CCDC178: variants seen among roughly 807,000 people sequenced by gnomAD.
CCDC178 encodes the protein coiled-coil domain containing 178, also known as coiled-coil domain-containing protein 178.
A neutral mutation model predicts 117.4 loss-of-function variants in CCDC178; 126 were observed. The observed-to-expected ratio is 1.07, with a 90% CI of 0.93 to 1.24. The LOEUF is 1.24. CCDC178 is among the 50% of genes most tolerant of loss of function. CCDC178 has a pLI of 0.00. For synonymous variants in CCDC178, 283 were observed against 313.4 expected, an observed-to-expected ratio of 0.90 and a Z score of 1.02; for missense variants, 1,030 against 986.9, an observed-to-expected ratio of 1.04 and a Z score of -0.59.
chr18:33,293,211 G>A lies in CCDC178; in HGVS notation c.1124C>T (p.Ala375Val), dbSNP rs2062059241. ...TTTTGATGACTTTGTTTCCCTTATT[G>A]CTTCAGTCACTTCCTCTTCCTTCTC... ...IEEKEEEVTE[A>V]IRETKSSKNE... The change falls in exon 12 of 23, where the codon GCA (alanine) becomes GTA (valine). Residue 375 changes from alanine (A) to valine (V), a missense_variant. Transcript: ENST00000383096. 1 of 1,596,298 alleles carries A rather than the reference G, an allele frequency of 6.3e-7. No homozygotes were observed. Among genetic ancestry groups the A allele is most frequent in the Admixed American group, 1.7e-5 (1 of 59,344 alleles).
At chr18:32,978,848 C>T (rs2055082334) in intron 21 of CCDC178, among the ~76,000 whole-genome samples, 2 of 152,038 alleles carry the variant, frequency 1.3e-5, no homozygotes, top group Admixed American at 6.6e-5. Flanking sequence ...ACCAGCCTGA[C>T]TAATATGGTG....
At chr18:33,402,654 G>C (rs2063724526) in intron 3 of CCDC178, among the ~76,000 whole-genome samples, 1 of 152,210 alleles carries the variant, frequency 6.6e-6, no homozygotes, top group Non-Finnish European at 1.5e-5. Context: ...ACATTTCTGA[G>C]ATATGAGAAT....
chr18:33,318,949 A>C (rs954059191), intron 11 of CCDC178, among the ~76,000 whole-genome samples: 3 of 152,170 alleles, frequency 2.0e-5, no homozygotes, highest in Non-Finnish European at 4.4e-5. Context: ...TCTTTTGAAC[A>C]AAAATTCTGA....
At chr18:33,298,864 A>G (rs555603837) in intron 11 of CCDC178, among the ~76,000 whole-genome samples, 2 of 152,082 alleles carry the variant, frequency 1.3e-5, no homozygotes, top group South Asian at 4.1e-4. Context: ...AAATAAATTA[A>G]AAAGGCAATC....
At position 33,412,016 on chromosome 18, in the gene CCDC178, T is replaced by A. The variant is rs1349255475; in HGVS notation, c.58+15A>T. ...TGAACTATTTTCAAAGAAAATCAAT[T>A]TATGATAAACTTACCTATATTGGTT... On this transcript the variant is annotated intron_variant, in intron 3 of 22. Coordinates refer to ENST00000383096, the MANE Select transcript of CCDC178 (RefSeq NM_001105528.4). The A allele has an allele frequency of 7.4e-7, 1 of 1,342,726 alleles. No individual in the cohort carries two copies. Among genetic ancestry groups the A allele is most frequent in the African/African-American group, 1.5e-5 (1 of 68,100 alleles). 83.2% of individuals were successfully genotyped at this position (1,342,726 alleles called of 1,614,324 possible).
At chr18:33,114,525 T>C (rs1351717447) in intron 20 of CCDC178, among the ~76,000 whole-genome samples, 1 of 152,076 alleles carries the variant, frequency 6.6e-6, no homozygotes. Context: ...TAATGGCTAA[T>C]AGTCCATACT....
At chr18:32,990,406 C>T (rs181673290) in intron 21 of CCDC178, among the ~76,000 whole-genome samples, 14 of 151,962 alleles carry the variant, frequency 9.2e-5, no homozygotes, top group African/African-American at 1.4e-4. Flanking sequence ...TAAGAATAGA[C>T]GTAGTAATCA....
chr18:33,424,794 G>T (rs1170585111), intron 2 of CCDC178, among the ~76,000 whole-genome samples: 2 of 152,170 alleles, frequency 1.3e-5, no homozygotes, highest in African/African-American at 2.4e-5. Flanking sequence ...AGCTGCTAAT[G>T]AGAGAGCTAG....
Position 33,260,845 on chromosome 18 carries a change from G to A in CCDC178, c.1409+6071C>T, listed in dbSNP as rs555447800. On this transcript the variant is annotated intron_variant, in intron 14 of 22. Coordinates refer to ENST00000383096, the MANE Select transcript of CCDC178 (RefSeq NM_001105528.4). ...ATTCTTTGCTGCACTATAGTGGCAC[G>A]CTTGTCACAAATCTGGTGAATGTAT... Among the ~76,000 whole-genome samples the A allele has an allele frequency of 7.2e-5, 11 of 151,828 alleles. No individual in the cohort carries two copies. The East Asian group carries it at 1.9e-3, about 27-fold the overall frequency.
chr18:33,097,463 G>A (rs2057560029), intron 20 of CCDC178, among the ~76,000 whole-genome samples: 1 of 152,114 alleles, frequency 6.6e-6, no homozygotes, highest in Non-Finnish European at 1.5e-5. Flanking sequence ...AGAATCATAA[G>A]CATAGTCATT....
Position 33,211,974 on chromosome 18 carries a change from AC to A in CCDC178, c.2159del (p.Cys720LeufsTer18), listed in dbSNP as rs756761941. 2 of 1,610,004 alleles carry A rather than the reference AC, an allele frequency of 1.2e-6. No individual in the cohort carries two copies. Among genetic ancestry groups the A allele is most frequent in the South Asian group, 2.2e-5 (2 of 90,798 alleles). On this transcript the variant is annotated frameshift_variant, in exon 20 of 23. Transcript: ENST00000383096. LOFTEE classifies it high-confidence loss of function. The stretch of plus-strand genomic sequence containing the variant: ...GATCTTCCTCAAAGATTCTCTCTTC[AC>A]AGTCTTTTTTCTCTTGCATATAATG... ...FDHYMQEKKD[C>X]EERIFEEDQR...
rs200690712 is a variant in CCDC178 at position 33,397,669 on chromosome 18, C to A, written c.59-461G>T. ...GAAGAAAGATAAACGCAATTATTTA[C>A]GCACGTCATAACTGCATCTCTAGAA... On this transcript the variant is annotated intron_variant, in intron 3 of 22. Coordinates refer to ENST00000383096, the MANE Select transcript of CCDC178 (RefSeq NM_001105528.4). Among the ~76,000 whole-genome samples the A allele has an allele frequency of 3.3e-5, 5 of 152,168 alleles. No homozygotes were observed. The East Asian group carries it at 9.6e-4, about 29-fold the overall frequency.
In CCDC178 at chr18:33,114,780, T is replaced by C. The variant is rs1396545560; in HGVS notation, c.2239-21870A>G. ...AGGCAGAGTCAAATACACTGTTCAT[T>C]CTTCTAATAGGACAGACCACCTAGG... On this transcript the variant is annotated intron_variant, in intron 20 of 22. Transcript: ENST00000383096. Among the ~76,000 whole-genome samples the C allele has an allele frequency of 2.0e-5, 3 of 152,104 alleles. No homozygotes were observed. In the East Asian group the frequency reaches 5.8e-4, roughly 29 times the overall value.
At chr18:33,068,776 C>G (rs2057061381) in intron 21 of CCDC178, among the ~76,000 whole-genome samples, 1 of 152,112 alleles carries the variant, frequency 6.6e-6, no homozygotes, top group African/African-American at 2.4e-5. Context: ...AGCATGCTCA[C>G]TTTTACTACT....
chr18:32,974,634 G>A lies in CCDC178; in HGVS notation c.2436C>T (p.Phe812=), dbSNP rs560840106. ...TCTGGCTGAAGAGGACCACCAGTTT[G>A]AAGTGCTCCTGCCACAGTGTGTGCA... is the stretch of plus-strand genomic sequence containing the variant. The part of the protein sequence containing the change: ...RRMHTLWQEH[F]KLVVLFSQMR... Residue 812 remains phenylalanine (F), a synonymous_variant, in exon 22 of 23, where the codon TTC becomes TTT. Transcript: ENST00000383096. 3.1e-6 allele frequency: 5 copies of A among 1,613,294 alleles called. No individual in the cohort carries two copies. In the East Asian group the frequency reaches 1.1e-4, roughly 36 times the overall value.
chr18:33,296,422 T>TA (rs886715754), intron 11 of CCDC178, among the ~76,000 whole-genome samples: 3 of 151,780 alleles, frequency 2.0e-5, no homozygotes, highest in South Asian at 2.1e-4. Flanking sequence ...TGAAAATATG[T>TA]AAAAAATCAT....
At chr18:32,999,717 T>A (rs1186525052) in intron 21 of CCDC178, among the ~76,000 whole-genome samples, 1 of 152,150 alleles carries the variant, frequency 6.6e-6, no homozygotes, top group Admixed American at 6.5e-5. Context: ...AAAATTCTTT[T>A]AGATTTTATC....
At chr18:33,326,701 T>G (rs1196497890) in intron 10 of CCDC178, among the ~76,000 whole-genome samples, 1 of 152,036 alleles carries the variant, frequency 6.6e-6, no homozygotes, top group African/African-American at 2.4e-5. Context: ...GTTTTGGGCT[T>G]CTAGTCACCA....
chr18:32,998,499 C>G (rs747448291), intron 21 of CCDC178, among the ~76,000 whole-genome samples: 5 of 152,140 alleles, frequency 3.3e-5, no homozygotes, highest in African/African-American at 4.8e-5. Flanking sequence ...CCAGCTGGAG[C>G]AGTCAAGAGA....
Sources: allele counts gnomAD v4.1 joint callset (sites outside exome capture counted in the v4.1 genomes callset), GRCh38; gene constraint gnomAD v4.1.1; transcripts MANE v1.5; gene names NCBI Gene and HGNC (gene_info 2026-07-23, HGNC 2026-07-21).